Variants in GNG7 observed in about 807,000 individuals in gnomAD.
GNG7 encodes the protein guanine nucleotide-binding protein G(I)/G(S)/G(O) subunit gamma-7.
A neutral mutation model predicts 4.0 loss-of-function variants in GNG7; 1 was observed. The ratio of observed to expected loss-of-function variants is 0.25; its 90% confidence interval spans 0.09 to 1.18. The LOEUF is 1.18. Among genes scored for constraint, GNG7 ranks in the 50% most tolerant of loss-of-function variants. GNG7 has a pLI of 0.50. For synonymous variants in GNG7, 34 were observed against 36.9 expected (o/e 0.92, Z 0.29); for missense variants, 86 against 91.9 (o/e 0.94, Z 0.26).
chr19:2,554,747 G>A (rs1403418905), intron 3 of GNG7, among the ~76,000 whole-genome samples: 2 of 151,548 alleles, frequency 1.3e-5, no homozygotes, highest in African/African-American at 4.9e-5. Flanking sequence ...TAGAGACGGG[G>A]TTTCGCTGTG....
At chr19:2,632,401 C>T (rs1167454301) in intron 2 of GNG7, among the ~76,000 whole-genome samples, 1 of 150,198 alleles carries the variant, frequency 6.7e-6, no homozygotes, top group Non-Finnish European at 1.5e-5. Flanking sequence ...TGCATTCTAG[C>T]CTGGGAGACA....
rs1979114509 is a variant in GNG7 at position 2,546,053 on chromosome 19, C to A, written c.-38+9096G>T. The stretch of plus-strand genomic sequence containing the variant: ...GGCATCAGGGTGAGAAGGCACAGGG[C>A]AACGATCAGGCGTTGATGTGTCCCC... On this transcript the variant is annotated intron_variant, in intron 3 of 4. Transcript: ENST00000382159. This position sits in a 1 kb window ranked among gnomAD's most constrained non-coding sequence, Gnocchi z 6.3. 6.6e-6 allele frequency among the ~76,000 whole-genome samples: 1 copy of A among 152,192 alleles called. No individual in the cohort carries two copies. The highest frequency in any genetic ancestry group is 1.5e-5 in the Non-Finnish European group (1 of 68,022).
At chr19:2,694,172 G>A (rs1173838638) in intron 1 of GNG7, among the ~76,000 whole-genome samples, 1 of 151,738 alleles carries the variant, frequency 6.6e-6, no homozygotes, top group Non-Finnish European at 1.5e-5. Flanking sequence ...AAGGCTATCT[G>A]GAATTGGTGA....
intron 2 of GNG7, among the ~76,000 whole-genome samples, chr19:2,600,629 C>G (rs1299271409): frequency 6.6e-6 from 1 of 151,870 alleles, no homozygotes; most frequent in Non-Finnish European, 1.5e-5. Flanking sequence ...CACCACCACA[C>G]CTGGCTAATT....
Position 2,618,422 on chromosome 19 carries a change from C to T in GNG7, c.-78+27802G>A, listed in dbSNP as rs946219698. 5.9e-5 allele frequency among the ~76,000 whole-genome samples: 9 copies of T among 151,904 alleles called. No homozygotes were observed. The highest frequency in any genetic ancestry group is 2.2e-4 in the African/African-American group (9 of 41,306). On this transcript the variant is annotated intron_variant, in intron 2 of 4. Coordinates refer to ENST00000382159, the MANE Select transcript of GNG7 (RefSeq NM_052847.3). This position sits in a 1 kb window ranked among gnomAD's most constrained non-coding sequence, Gnocchi z 5.1. ...GGAGTGCAGTGGTGCAACCTCAGCT[C>T]ACTGCAACCTGCACCTCCCCTGTTC...
chr19:2,541,295 G>C (rs1978954789), intron 3 of GNG7, among the ~76,000 whole-genome samples: 2 of 152,118 alleles, frequency 1.3e-5, no homozygotes, highest in Non-Finnish European at 2.9e-5. Flanking sequence ...AACACAGTGA[G>C]ACCCTGTCTC....
At chr19:2,598,906 A>G (rs1392679523) in intron 2 of GNG7, among the ~76,000 whole-genome samples, 1 of 152,116 alleles carries the variant, frequency 6.6e-6, no homozygotes, top group Non-Finnish European at 1.5e-5. Context: ...AGAAATGGAA[A>G]CTGATCTAAC....
intron 2 of GNG7, among the ~76,000 whole-genome samples, chr19:2,624,892 C>T (rs1218147567): frequency 6.6e-6 from 1 of 152,254 alleles, no homozygotes; most frequent in Non-Finnish European, 1.5e-5. Context: ...GGCTGGGCCA[C>T]TCCTGCCCTG....
chr19:2,613,121 G>A (rs1981622344), intron 2 of GNG7, among the ~76,000 whole-genome samples: 1 of 151,702 alleles, frequency 6.6e-6, no homozygotes, highest in African/African-American at 2.4e-5. Context: ...TAAGGGACGT[G>A]GAAAAGGAAT....
At chr19:2,524,651 CGT>C (rs1009377167) in intron 3 of GNG7, among the ~76,000 whole-genome samples, 1 of 152,224 alleles carries the variant, frequency 6.6e-6, no homozygotes, top group Non-Finnish European at 1.5e-5. Flanking sequence ...TACACATCTA[CGT>C]GTGTGCGTCT....
chr19:2,609,665 G>A lies in GNG7; in HGVS notation c.-78+36559C>T, dbSNP rs964175046. ...GGACTTCCAGCCTCCAGAACCAAGA[G>A]AGAGAAGAAATCTCTGTTGCTAAAG... On this transcript the variant is annotated intron_variant, in intron 2 of 4. Coordinates refer to ENST00000382159, the MANE Select transcript of GNG7 (RefSeq NM_052847.3). The surrounding 1 kb of genome is among the most constrained non-coding windows in gnomAD (Gnocchi z 4.4). Among the ~76,000 whole-genome samples, 3 of 152,174 alleles carry A rather than the reference G, an allele frequency of 2.0e-5. No individual in the cohort carries two copies. The highest frequency in any genetic ancestry group is 7.2e-5 in the African/African-American group (3 of 41,424).
intron 3 of GNG7, among the ~76,000 whole-genome samples, chr19:2,528,424 T>C (rs867865813): frequency 1.7e-3 from 175 of 104,984 alleles, no homozygotes; most frequent in Non-Finnish European, 2.6e-3. Flanking sequence ...AAAAAAAAAA[T>C]ACAAAAAAAT....
At chr19:2,648,710 C>T (rs1212904969) in intron 1 of GNG7, among the ~76,000 whole-genome samples, 1 of 152,086 alleles carries the variant, frequency 6.6e-6, no homozygotes, top group African/African-American at 2.4e-5. Context: ...GCAGGATCTG[C>T]TACACCAGGG....
chr19:2,552,498 C>T (rs570370650), intron 3 of GNG7, among the ~76,000 whole-genome samples: 74 of 152,218 alleles, frequency 4.9e-4, no homozygotes, highest in South Asian at 1.0e-3. Context: ...GATTCTCCTA[C>T]CTCAGCCTCC....
At chr19:2,553,482 ATAT>A (rs199535009) in intron 3 of GNG7, among the ~76,000 whole-genome samples, 44 of 147,610 alleles carry the variant, frequency 3.0e-4, no homozygotes, top group African/African-American at 4.9e-4. Context: ...TATATACTAT[ATAT>A]TATATTTTAT....
chr19:2,628,538 T>TAA (rs1429905000), intron 2 of GNG7, among the ~76,000 whole-genome samples: 4 of 150,712 alleles, frequency 2.7e-5, no homozygotes, highest in Admixed American at 6.6e-5. Context: ...TATATATATA[T>TAA]AACATAAGAC....
At chr19:2,672,817 G>A (rs561329661) in intron 1 of GNG7, among the ~76,000 whole-genome samples, 9 of 152,194 alleles carry the variant, frequency 5.9e-5, no homozygotes, top group African/African-American at 1.9e-4. Flanking sequence ...TTGGCCAGGT[G>A]ACCAATGTCA....
At chr19:2,566,320 T>C (rs12976261) in intron 2 of GNG7, among the ~76,000 whole-genome samples, 116,933 of 151,986 alleles carry the variant, frequency 0.77, 45,309 homozygotes, top group Admixed American at 0.82. Context: ...TCTCCGGCCA[T>C]CACCAGGAGC....
At position 2,512,921 on chromosome 19, in the gene GNG7, C is replaced by T; in HGVS notation, c.*2101G>A. The T allele has an allele frequency of 4.1e-6, 4 of 985,492 alleles. No individual in the cohort carries two copies. Among genetic ancestry groups the T allele is most frequent in the Non-Finnish European group, 4.8e-6 (4 of 829,970 alleles). The allele number at this position is 985,492 out of a possible 1,614,324, so 61.0% of individuals were successfully genotyped here. On this transcript the variant is annotated 3_prime_UTR_variant, in exon 5 of 5. Coordinates refer to ENST00000382159, the MANE Select transcript of GNG7 (RefSeq NM_052847.3). This position sits in a 1 kb window ranked among gnomAD's most constrained non-coding sequence, Gnocchi z 4.7. Reference sequence around the variant, plus strand: ...GGTGGGGACGCCCACACCCCAAACCCTGCCGGCTCCCAGCCCAACCACAGG... The same window carrying T: ...GGTGGGGACGCCCACACCCCAAACCTTGCCGGCTCCCAGCCCAACCACAGG...
Sources: allele counts gnomAD v4.1 joint callset (sites outside exome capture counted in the v4.1 genomes callset), GRCh38; gene constraint gnomAD v4.1.1; non-coding constraint Gnocchi (gnomAD v3.1); transcripts MANE v1.5; gene names NCBI Gene and HGNC (gene_info 2026-07-23, HGNC 2026-07-21).